EPHA5: variants seen among roughly 807,000 people sequenced by gnomAD.
The protein encoded by EPHA5 is EPH receptor A5.
Under a neutral mutation model 105.0 loss-of-function variants are expected in EPHA5, and 60 were observed. The ratio of observed to expected loss-of-function variants is 0.57; its 90% CI spans 0.46 to 0.71. The LOEUF is 0.71. Among genes scored for constraint, EPHA5 ranks in the 30% least tolerant of loss-of-function variants. The pLI is 0.00. For synonymous variants in EPHA5, 513 were observed against 449.1 expected, an observed-to-expected ratio of 1.14 and a Z score of -1.80; for missense variants, 1,218 against 1,274.7, an observed-to-expected ratio of 0.96 and a Z score of 0.68.
At chr4:65,383,542 T>C (rs556525903) in intron 8 of EPHA5, among the ~76,000 whole-genome samples, 30 of 152,002 alleles carry the variant, frequency 2.0e-4, no homozygotes, top group African/African-American at 6.0e-4. Context: ...AAGAACATTA[T>C]AGGGAAAAAA....
intron 3 of EPHA5, among the ~76,000 whole-genome samples, chr4:65,535,555 AT>A (rs1736211000): frequency 6.6e-6 from 1 of 152,124 alleles, no homozygotes; most frequent in Admixed American, 6.6e-5. Context: ...AGTATTATAA[AT>A]TTTTAAGGCA....
intron 3 of EPHA5, among the ~76,000 whole-genome samples, chr4:65,544,221 C>T (rs1230801741): frequency 6.6e-6 from 1 of 152,016 alleles, no homozygotes; most frequent in Non-Finnish European, 1.5e-5. Context: ...CCAAAATTGA[C>T]AAATGGTACC....
intron 8 of EPHA5, among the ~76,000 whole-genome samples, chr4:65,390,850 G>A (rs891243231): frequency 5.3e-5 from 8 of 151,972 alleles, no homozygotes; most frequent in Non-Finnish European, 1.5e-5. Context: ...AGTAATGAGA[G>A]AAACAAGGAG....
At chr4:65,613,522 A>G (rs936284204) in intron 2 of EPHA5, among the ~76,000 whole-genome samples, 2 of 151,930 alleles carry the variant, frequency 1.3e-5, no homozygotes, top group African/African-American at 4.8e-5. Flanking sequence ...GATGATCTTC[A>G]ATTTGTTTGT....
At chr4:65,629,874 G>T (rs1746471145) in intron 2 of EPHA5, among the ~76,000 whole-genome samples, 1 of 152,114 alleles carries the variant, frequency 6.6e-6, no homozygotes, top group South Asian at 2.1e-4. Flanking sequence ...GTGGAATTTG[G>T]AATATTTCCA....
At chr4:65,573,906 A>G (rs1740514890) in intron 3 of EPHA5, 3 of 1,610,336 alleles carry the variant, frequency 1.9e-6, no homozygotes, top group Non-Finnish European at 2.5e-6. Flanking sequence ...CCCCGGGACC[A>G]TTCTGATCAT....
intron 11 of EPHA5, among the ~76,000 whole-genome samples, chr4:65,355,988 C>T (rs1017770327): frequency 7.9e-5 from 12 of 151,360 alleles, no homozygotes; most frequent in African/African-American, 2.9e-4. Flanking sequence ...TTACAGAAAT[C>T]TATTGAGAGG....
chr4:65,481,643 T>C (rs1730373946), intron 5 of EPHA5, among the ~76,000 whole-genome samples: 1 of 152,214 alleles, frequency 6.6e-6, no homozygotes, highest in Non-Finnish European at 1.5e-5. Flanking sequence ...GAGCCAATTA[T>C]CTAGTTAATA....
At chr4:65,333,312 G>C (rs1426991420) in intron 15 of EPHA5, among the ~76,000 whole-genome samples, 1 of 151,524 alleles carries the variant, frequency 6.6e-6, no homozygotes, top group Non-Finnish European at 1.5e-5. Flanking sequence ...ATTTACCCTT[G>C]AGTATAGTTT....
intron 5 of EPHA5, among the ~76,000 whole-genome samples, chr4:65,436,717 A>G (rs1320309504): frequency 6.6e-6 from 1 of 152,014 alleles, no homozygotes; most frequent in Non-Finnish European, 1.5e-5. Flanking sequence ...ATAAGATCAA[A>G]TAAACATAAG....
At chr4:65,457,080 G>T (rs1344879305) in intron 5 of EPHA5, among the ~76,000 whole-genome samples, 2 of 151,124 alleles carry the variant, frequency 1.3e-5, no homozygotes, top group African/African-American at 4.8e-5. Context: ...AAAAAAAATA[G>T]ACTTTTAATA....
At chr4:65,590,355 C>A (rs1217901789) in intron 3 of EPHA5, among the ~76,000 whole-genome samples, 1 of 151,988 alleles carries the variant, frequency 6.6e-6, no homozygotes, top group Non-Finnish European at 1.5e-5. Context: ...GAATCAAATA[C>A]TTAAAGATAA....
intron 3 of EPHA5, among the ~76,000 whole-genome samples, chr4:65,500,652 T>G (rs1732394347): frequency 6.6e-6 from 1 of 151,018 alleles, no homozygotes; most frequent in Non-Finnish European, 1.5e-5. Context: ...GCTATTAACC[T>G]TGGGATAACT....
At chr4:65,343,214 T>C (rs10002731) in intron 14 of EPHA5, among the ~76,000 whole-genome samples, 1,586 of 152,286 alleles carry the variant, frequency 0.01, 26 homozygotes, top group African/African-American at 0.036. Context: ...TTACTATCAA[T>C]AAATAGGCTT....
Position 65,522,801 on chromosome 4 carries a change from C to A in EPHA5, c.911-27258G>T, listed in dbSNP as rs75885990. On this transcript the variant is annotated intron_variant, in intron 3 of 16. Transcript: ENST00000613740. ...CTTCATGAGCTCTTCACTTCTATTT[C>A]CTATTCATCCAATTTACTACAGTTA... Among the ~76,000 whole-genome samples, 319 of 152,086 alleles carry A rather than the reference C, an allele frequency of 2.1e-3. 1 individual carries two copies. The highest frequency in any genetic ancestry group is 7.0e-3 in the African/African-American group (292 of 41,522).
intron 9 of EPHA5, 92 bp from the exon 10 acceptor site, chr4:65,366,149 C>A: frequency 8.1e-7 from 1 of 1,233,086 alleles, no homozygotes. Context: ...GCTTAAATCT[C>A]TAATTCCTGG....
intron 1 of EPHA5, among the ~76,000 whole-genome samples, chr4:65,651,143 C>G (rs534037901): frequency 1.1e-4 from 16 of 152,260 alleles, no homozygotes; most frequent in African/African-American, 2.6e-4. Context: ...GGATGTATTT[C>G]CTGGAACTGA....
At chr4:65,642,116 T>C (rs1193632494) in intron 2 of EPHA5, among the ~76,000 whole-genome samples, 4 of 152,082 alleles carry the variant, frequency 2.6e-5, no homozygotes, top group African/African-American at 9.7e-5. Flanking sequence ...CTCATATATT[T>C]TCTCTGGATT....
intron 2 of EPHA5, among the ~76,000 whole-genome samples, chr4:65,638,629 C>G (rs1412072181): frequency 6.6e-6 from 1 of 152,124 alleles, no homozygotes; most frequent in Admixed American, 6.5e-5. Context: ...ATCCCAGCTA[C>G]TCGGAAGGCT....
Sources: gnomAD v4.1 joint callset for allele counts (sites outside exome capture counted in the v4.1 genomes callset) on GRCh38, gnomAD v4.1.1 for gene constraint, MANE v1.5 for transcripts, NCBI Gene and HGNC (gene_info 2026-07-23, HGNC 2026-07-21) for gene names.